ZNF277: variants seen among roughly 807,000 people sequenced by gnomAD.
ZNF277 encodes zinc finger protein 277.
In ZNF277, 55 loss-of-function variants were observed where a neutral mutation model predicts 60.7. The ratio of observed to expected loss-of-function variants is 0.91; its 90% CI spans 0.73 to 1.13. The LOEUF is 1.13. Among genes scored for constraint, ZNF277 ranks in the 50% most tolerant of loss-of-function variants. The pLI, the probability that ZNF277 is intolerant of heterozygous loss-of-function variation, is 0.00. For missense variants in ZNF277, 510 were observed against 523.0 expected (o/e 0.98, Z 0.24); for synonymous variants, 178 against 179.3 (o/e 0.99, Z 0.06).
At chr7:112,249,852 C>T (rs1284903936) in intron 1 of ZNF277, among the ~76,000 whole-genome samples, 1 of 152,302 alleles carries the variant, frequency 6.6e-6, no homozygotes, top group East Asian at 1.9e-4. Context: ...ATCCTGTCAA[C>T]TGAGGAGGAT....
chr7:112,273,358 C>T (rs1274133570), intron 1 of ZNF277, among the ~76,000 whole-genome samples: 1 of 152,188 alleles, frequency 6.6e-6, no homozygotes, highest in African/African-American at 2.4e-5. Flanking sequence ...TGCAAAGTCG[C>T]ACAATCACTG....
rs541932136 is a variant in ZNF277 at position 112,333,972 on chromosome 7, A to G, written c.802-2132A>G. ...TACGATGCTCATGTTTCAAACCCTG[A>G]GTTTTTCTAAAGGGAATTGGTTTTG... On this transcript the variant is annotated intron_variant, in intron 7 of 11. Transcript: ENST00000361822. Among the ~76,000 whole-genome samples, 6 of 152,226 alleles carry G rather than the reference A, an allele frequency of 3.9e-5. No homozygotes were observed. In the East Asian group the frequency reaches 9.6e-4, roughly 24 times the overall value.
chr7:112,283,417 G>T lies in ZNF277; in HGVS notation c.92-3456G>T, dbSNP rs547949474. 3.3e-5 allele frequency among the ~76,000 whole-genome samples: 5 copies of T among 152,236 alleles called. No individual in the cohort carries two copies. In the South Asian group the frequency reaches 1.0e-3, roughly 32 times the overall value. On this transcript the variant is annotated intron_variant, in intron 1 of 11. Coordinates refer to ENST00000361822, the MANE Select transcript of ZNF277 (RefSeq NM_021994.3). Reference sequence around the variant, plus strand: ...AGGCACCTGTAATCCCAGCTACTCGGAAGGCTGACACAGGAGACTCGCTTG... The same window carrying T: ...AGGCACCTGTAATCCCAGCTACTCGTAAGGCTGACACAGGAGACTCGCTTG...
rs1435514775 is a variant in ZNF277 at position 112,285,455 on chromosome 7, A to C, written c.92-1418A>C. ...GGAAATTTTTTTTTTTTTTTTTTGG[A>C]ATGATGTCTAGCCCTGTCACCCAGG... On this transcript the variant is annotated intron_variant, in intron 1 of 11. Coordinates refer to ENST00000361822, the MANE Select transcript of ZNF277 (RefSeq NM_021994.3). Among the ~76,000 whole-genome samples the C allele has an allele frequency of 2.4e-5, 3 of 125,788 alleles. No homozygotes were observed. In the East Asian group the frequency reaches 6.7e-4, roughly 28 times the overall value. The allele number at this position is 125,788 out of a possible 152,430, so 82.5% of individuals were successfully genotyped here.
chr7:112,343,239 A>C lies in ZNF277; in HGVS notation c.*510A>C, dbSNP rs1445326622. On this transcript the variant is annotated 3_prime_UTR_variant, in exon 12 of 12. Transcript: ENST00000361822. The stretch of plus-strand genomic sequence containing the variant: ...AAAGAAGAAATGGTCAAAGACGTGG[A>C]TAATATGCAAATTGGCCATTATATT... The C allele has an allele frequency of 1.3e-5, 2 of 152,294 alleles. No homozygotes were observed. The highest frequency in any genetic ancestry group is 4.8e-5 in the African/African-American group (2 of 41,458). The allele number at this position is 152,294 out of a possible 1,614,324, so 9.4% of individuals were successfully genotyped here. A position where few individuals can be genotyped will look rare whatever the true frequency, so the allele number is the denominator to read the frequency against.
chr7:112,310,132 T>C (rs1191326980), intron 4 of ZNF277, among the ~76,000 whole-genome samples: 1 of 151,942 alleles, frequency 6.6e-6, no homozygotes, highest in Non-Finnish European at 1.5e-5. Context: ...GATCTCCAGC[T>C]CCCCTCCCTT....
At chr7:112,257,868 C>T (rs1791356260) in intron 1 of ZNF277, among the ~76,000 whole-genome samples, 1 of 151,688 alleles carries the variant, frequency 6.6e-6, no homozygotes, top group African/African-American at 2.4e-5. Context: ...GGCTGGGGTG[C>T]AGTGGCCCAT....
At chr7:112,245,948 C>A (rs1246556991) in intron 1 of ZNF277, among the ~76,000 whole-genome samples, 1 of 152,124 alleles carries the variant, frequency 6.6e-6, no homozygotes, top group Non-Finnish European at 1.5e-5. Flanking sequence ...AAAACTGGGA[C>A]ACTCACCTTC....
chr7:112,227,487 A>G (rs1222159399), intron 1 of ZNF277, among the ~76,000 whole-genome samples: 2 of 152,160 alleles, frequency 1.3e-5, no homozygotes, highest in Non-Finnish European at 2.9e-5. Context: ...CCTAAATGCA[A>G]TTTAAACAGT....
At chr7:112,299,000 A>AGG (rs1792414463) in intron 4 of ZNF277, among the ~76,000 whole-genome samples, 1 of 152,070 alleles carries the variant, frequency 6.6e-6, no homozygotes, top group Non-Finnish European at 1.5e-5. Context: ...CTGTGTAGGG[A>AGG]GGGGATTCAG....
At chr7:112,339,958 T>A (rs1169671005) in intron 10 of ZNF277, 73 bp downstream of exon 10, 2 of 1,387,416 alleles carry the variant, frequency 1.4e-6, no homozygotes, top group Non-Finnish European at 2.0e-6. Flanking sequence ...TATGCCTATG[T>A]TCAGTAGCTA....
chr7:112,306,838 A>T (rs1584396730), intron 4 of ZNF277, among the ~76,000 whole-genome samples: 1 of 152,098 alleles, frequency 6.6e-6, no homozygotes, highest in South Asian at 2.1e-4. Context: ...TGAATGTTCT[A>T]AGGCAAGTGC....
chr7:112,256,128 T>C (rs1483947419), intron 1 of ZNF277, among the ~76,000 whole-genome samples: 1 of 152,208 alleles, frequency 6.6e-6, no homozygotes, highest in Non-Finnish European at 1.5e-5. Context: ...TTTTGAATGA[T>C]TGAATAAGAG....
chr7:112,265,517 C>T (rs1428578408), intron 1 of ZNF277, among the ~76,000 whole-genome samples: 1 of 152,082 alleles, frequency 6.6e-6, no homozygotes, highest in African/African-American at 2.4e-5. Context: ...ATACGAAAAA[C>T]TTTGAAATGT....
At chr7:112,306,212 CTTTT>C (rs555931160) in intron 4 of ZNF277, among the ~76,000 whole-genome samples, 32 of 116,898 alleles carry the variant, frequency 2.7e-4, no homozygotes, top group African/African-American at 1.0e-3. Flanking sequence ...TCTGAATGTT[CTTTT>C]TTTTTTTTTT....
intron 1 of ZNF277, among the ~76,000 whole-genome samples, chr7:112,242,193 CA>C (rs1405211395): frequency 6.6e-6 from 1 of 151,804 alleles, no homozygotes; most frequent in Non-Finnish European, 1.5e-5. Context: ...AAAGAGTATA[CA>C]GTACAATTCA....
chr7:112,224,698 G>A (rs1032451163), intron 1 of ZNF277, among the ~76,000 whole-genome samples: 6 of 152,192 alleles, frequency 3.9e-5, no homozygotes, highest in Non-Finnish European at 8.8e-5. Context: ...ACTGAACTAT[G>A]CAGGTCTGGC....
At chr7:112,227,601 T>G (rs1822209191) in intron 1 of ZNF277, among the ~76,000 whole-genome samples, 1 of 152,188 alleles carries the variant, frequency 6.6e-6, no homozygotes, top group African/African-American at 2.4e-5. Flanking sequence ...GGAGAAAACT[T>G]TTGGCCAAAC....
rs534402376 is a variant in ZNF277 at position 112,240,394 on chromosome 7, C to T, written c.91+33587C>T. Among the ~76,000 whole-genome samples the T allele has an allele frequency of 5.9e-5, 9 of 152,170 alleles. No individual in the cohort carries two copies. The South Asian group carries it at 8.3e-4, about 14-fold the overall frequency. On this transcript the variant is annotated intron_variant, in intron 1 of 11. Coordinates refer to ENST00000361822, the MANE Select transcript of ZNF277 (RefSeq NM_021994.3). ...AGTGATACAGTCAACAATAATTGTA[C>T]ATTTTAAAATAACTAAAAGATATAA...
Sources: allele counts gnomAD v4.1 joint callset (sites outside exome capture counted in the v4.1 genomes callset), GRCh38; gene constraint gnomAD v4.1.1; transcripts MANE v1.5; gene names NCBI Gene and HGNC (gene_info 2026-07-23, HGNC 2026-07-21).